KPNA3: variants seen among roughly 807,000 people sequenced by gnomAD.
The protein encoded by KPNA3 is importin subunit alpha-4.
Under a neutral mutation model 73.8 loss-of-function variants are expected in KPNA3, and 13 were observed. The observed-to-expected ratio is 0.18, with a 90% CI of 0.11 to 0.28. KPNA3 has a LOEUF of 0.28. Ranked by LOEUF, KPNA3 falls within the 10% of genes least tolerant of loss-of-function variation. KPNA3 has a pLI of 1.00. For missense variants in KPNA3, 360 were observed against 618.1 expected, an observed-to-expected ratio of 0.58 and a Z score of 4.43; for synonymous variants, 186 against 206.9, an observed-to-expected ratio of 0.90 and a Z score of 0.87.
chr13:49,777,784 T>TA (rs1194200808), intron 1 of KPNA3, among the ~76,000 whole-genome samples: 3 of 152,120 alleles, frequency 2.0e-5, no homozygotes, highest in Non-Finnish European at 4.4e-5. Flanking sequence ...GTGCTGAGAT[T>TA]ACGGGCATGA....
At chr13:49,786,840 C>T (rs1409544086) in intron 1 of KPNA3, among the ~76,000 whole-genome samples, 1 of 152,122 alleles carries the variant, frequency 6.6e-6, no homozygotes, top group African/African-American at 2.4e-5. Context: ...GAAAGTAACA[C>T]AGAAAGATAT....
Position 49,719,809 on chromosome 13 carries a change from G to T in KPNA3, c.737C>A (p.Ala246Asp). ...PMETVQEILP[A>D]LCVLIYHTDI... ...TGTATGGTATATGAGGACACATAAA[G>T]CTGGCAAAATCTGAGGAAAGAAAAT... The change falls in exon 10 of 17, where the codon GCT (alanine) becomes GAT (aspartate). Residue 246 changes from alanine (A) to aspartate (D), a missense_variant. By Grantham distance (126) the Ala-to-Asp change is moderately radical. Transcript: ENST00000261667. The T allele has an allele frequency of 6.3e-7, 1 of 1,592,336 alleles. No homozygotes were observed. The highest frequency in any genetic ancestry group is 8.6e-7 in the Non-Finnish European group (1 of 1,162,064).
In KPNA3 at chr13:49,700,334, C is replaced by G. The variant is rs1375412703; in HGVS notation, c.*1466G>C. ...AACTAAATTAGTTTAGATTTTCTAT[C>G]CCTTCACATCAATGCATTGGGAAAT... On this transcript the variant is annotated 3_prime_UTR_variant, in exon 17 of 17. Coordinates refer to ENST00000261667, the MANE Select transcript of KPNA3 (RefSeq NM_002267.4). The G allele has an allele frequency of 6.6e-6, 1 of 152,590 alleles. No individual in the cohort carries two copies. Among genetic ancestry groups the G allele is most frequent in the Admixed American group, 6.6e-5 (1 of 15,266 alleles). 9.5% of individuals were successfully genotyped at this position (152,590 alleles called of 1,614,324 possible). A position where few individuals can be genotyped will look rare whatever the true frequency, so the allele number is the denominator to read the frequency against.
intron 1 of KPNA3, among the ~76,000 whole-genome samples, chr13:49,786,373 T>G (rs910727169): frequency 6.6e-6 from 1 of 152,126 alleles, no homozygotes; most frequent in African/African-American, 2.4e-5. Context: ...TCACAGCAAT[T>G]TATCCCAAAT....
chr13:49,770,858 G>GA (rs200342989), intron 1 of KPNA3, among the ~76,000 whole-genome samples: 2 of 125,644 alleles, frequency 1.6e-5, no homozygotes, highest in Non-Finnish European at 3.4e-5. Context: ...AAAAAGAAAA[G>GA]AAAAAACCCC....
At position 49,758,110 on chromosome 13, in the gene KPNA3, TAAGA is replaced by T. The variant is rs528009923; in HGVS notation, c.70-11121_70-11118del. On this transcript the variant is annotated intron_variant, in intron 1 of 16. Transcript: ENST00000261667. Reference sequence around the variant, plus strand: ...TGATGGGGAATCAATAGAAAATAACTAAGAAAGAGAGGACTAAAGAAAACAAAAA... The same window carrying T: ...TGATGGGGAATCAATAGAAAATAACTAAGAGAGGACTAAAGAAAACAAAAA... 5.7e-3 allele frequency among the ~76,000 whole-genome samples: 871 copies of T among 151,962 alleles called. 22 individuals carry two copies. The highest frequency in any genetic ancestry group is 3.4e-3 in the Non-Finnish European group (233 of 67,920).
intron 2 of KPNA3, among the ~76,000 whole-genome samples, chr13:49,739,034 C>T (rs1326830573): frequency 6.6e-6 from 1 of 152,114 alleles, no homozygotes; most frequent in African/African-American, 2.4e-5. Context: ...AAATGAGTAA[C>T]TGATATGATC....
chr13:49,737,015 G>C (rs1265051124), intron 2 of KPNA3, among the ~76,000 whole-genome samples: 1 of 151,966 alleles, frequency 6.6e-6, no homozygotes, highest in Non-Finnish European at 1.5e-5. Context: ...AACAATTGTT[G>C]CTTATATAAT....
chr13:49,771,380 TAAAG>T (rs931658900), intron 1 of KPNA3, among the ~76,000 whole-genome samples: 1 of 152,212 alleles, frequency 6.6e-6, no homozygotes, highest in Non-Finnish European at 1.5e-5. Context: ...GAATTCCTGA[TAAAG>T]AAAATAAGTC....
At chr13:49,791,875 C>G (rs1034811529) in intron 1 of KPNA3, among the ~76,000 whole-genome samples, 2 of 152,224 alleles carry the variant, frequency 1.3e-5, no homozygotes, top group Non-Finnish European at 2.9e-5. Context: ...CCTCCCCCAT[C>G]GATCACCCTC....
intron 1 of KPNA3, among the ~76,000 whole-genome samples, chr13:49,789,211 G>C (rs1035196869): frequency 9.9e-5 from 15 of 152,096 alleles, no homozygotes; most frequent in Admixed American, 9.8e-4. Context: ...AGATATTCTT[G>C]CATCAACACA....
intron 6 of KPNA3, among the ~76,000 whole-genome samples, chr13:49,729,497 A>G (rs1954441322): frequency 6.6e-6 from 1 of 152,226 alleles, no homozygotes; most frequent in Admixed American, 6.5e-5. Flanking sequence ...ACAAATGGAC[A>G]TTTATGGCCG....
chr13:49,759,841 G>C (rs1444205632), intron 1 of KPNA3, among the ~76,000 whole-genome samples: 2 of 152,208 alleles, frequency 1.3e-5, no homozygotes, highest in Non-Finnish European at 1.5e-5. Context: ...TAGTGGTCCA[G>C]GGTTGGGGAT....
intron 10 of KPNA3, among the ~76,000 whole-genome samples, chr13:49,713,043 G>C (rs1208114403): frequency 6.7e-6 from 1 of 150,246 alleles, no homozygotes; most frequent in Non-Finnish European, 1.5e-5. Context: ...GTATACAAGA[G>C]ACACACATAA....
chr13:49,707,652 T>G (rs1242878741), intron 12 of KPNA3, among the ~76,000 whole-genome samples: 1 of 151,982 alleles, frequency 6.6e-6, no homozygotes, highest in Non-Finnish European at 1.5e-5. Flanking sequence ...CTGCCCAGCT[T>G]CCTCACTTCT....
At chr13:49,705,297 T>G (rs1360626741) in intron 15 of KPNA3, among the ~76,000 whole-genome samples, 1 of 150,320 alleles carries the variant, frequency 6.7e-6, no homozygotes, top group Non-Finnish European at 1.5e-5. Flanking sequence ...AGGCAGAGGT[T>G]GCAATGAGCT....
chr13:49,771,304 C>T (rs908014157), intron 1 of KPNA3, among the ~76,000 whole-genome samples: 1 of 152,206 alleles, frequency 6.6e-6, no homozygotes, highest in Admixed American at 6.5e-5. Flanking sequence ...TTTCCATTTA[C>T]TTAGATCTTT....
At chr13:49,775,879 G>C (rs1954894482) in intron 1 of KPNA3, among the ~76,000 whole-genome samples, 1 of 152,118 alleles carries the variant, frequency 6.6e-6, no homozygotes, top group South Asian at 2.1e-4. Flanking sequence ...AATGCTTTTT[G>C]TACTACAATA....
At chr13:49,791,919 C>A (rs556383339) in intron 1 of KPNA3, among the ~76,000 whole-genome samples, 5 of 152,366 alleles carry the variant, frequency 3.3e-5, no homozygotes, top group South Asian at 2.1e-4. Context: ...TCCCCACCCC[C>A]CTCTGCGGGC....
Sources: gnomAD v4.1 joint callset for allele counts (sites outside exome capture counted in the v4.1 genomes callset) on GRCh38, gnomAD v4.1.1 for gene constraint, MANE v1.5 for transcripts, NCBI Gene and HGNC (gene_info 2026-07-23, HGNC 2026-07-21) for gene names.